The following SPATA17 variants were observed in gnomAD, a reference collection of about 807,000 sequenced individuals.
The protein encoded by SPATA17 is spermatogenesis-associated protein 17.
Under a neutral mutation model 62.2 loss-of-function variants are expected in SPATA17, and 53 were observed. The observed-to-expected ratio is 0.85, with a 90% confidence interval of 0.68 to 1.07. The LOEUF is 1.07. SPATA17 is among the 50% of genes least tolerant of loss of function. The pLI, the probability that SPATA17 is intolerant of heterozygous loss-of-function variation, is 0.00. For missense variants in SPATA17, 466 were observed against 425.5 expected (o/e 1.10, Z -0.84); for synonymous variants, 146 against 146.8 (o/e 0.99, Z 0.04).
chr1:217,783,972 T>C (rs1241510269), intron 8 of SPATA17, among the ~76,000 whole-genome samples: 1 of 152,130 alleles, frequency 6.6e-6, no homozygotes, highest in African/African-American at 2.4e-5. Flanking sequence ...AAAAACCAAG[T>C]TGCAGATGCT....
chr1:217,756,661 A>C (rs12134557), intron 6 of SPATA17, among the ~76,000 whole-genome samples: 73,899 of 152,026 alleles, frequency 0.49, 19,204 homozygotes, highest in Non-Finnish European at 0.59. Context: ...GTTTCTTCAG[A>C]GATCAGGAGG....
intron 8 of SPATA17, among the ~76,000 whole-genome samples, chr1:217,796,224 G>A (rs1674149163): frequency 6.6e-6 from 1 of 152,042 alleles, no homozygotes; most frequent in Admixed American, 6.6e-5. Flanking sequence ...CTATTTAGTT[G>A]CGGCCTTTAA....
rs1553251071 is a variant in SPATA17 at position 217,770,978 on chromosome 1, A to AATTTTTTTTTTTTTTTTTTTTT, written c.520-3356_520-3355insATTTTTTTTTTTTTTTTTTTTT. On this transcript the variant is annotated intron_variant, in intron 6 of 10. Coordinates refer to ENST00000366933, the MANE Select transcript of SPATA17 (RefSeq NM_138796.4). ...ATGTATCTATTATATAACTCATTGC[A>AATTTTTTTTTTTTTTTTTTTTT]TTTTTTTTTTTTTTTTTTTTTTTTT... 1.1e-3 allele frequency among the ~76,000 whole-genome samples: 55 copies of AATTTTTTTTTTTTTTTTTTTTT among 50,164 alleles called. 9 individuals are homozygous for AATTTTTTTTTTTTTTTTTTTTT. The highest frequency in any genetic ancestry group is 2.0e-3 in the South Asian group (2 of 1,000). 32.9% of individuals were successfully genotyped at this position (50,164 alleles called of 152,430 possible).
chr1:217,720,368 G>T (rs1300594158), intron 5 of SPATA17, among the ~76,000 whole-genome samples: 3 of 152,076 alleles, frequency 2.0e-5, no homozygotes, highest in Admixed American at 2.0e-4. Flanking sequence ...TGTTATTATT[G>T]TTTTTCTAAA....
chr1:217,713,678 C>T (rs1355597306), intron 5 of SPATA17, among the ~76,000 whole-genome samples: 1 of 152,090 alleles, frequency 6.6e-6, no homozygotes, highest in African/African-American at 2.4e-5. Context: ...CCTAAGAAAT[C>T]GATGCTTGGA....
chr1:217,759,669 G>A (rs146103842), intron 6 of SPATA17, among the ~76,000 whole-genome samples: 1 of 152,108 alleles, frequency 6.6e-6, no homozygotes, highest in Non-Finnish European at 1.5e-5. Context: ...GAGGGAGATT[G>A]TTTCATATAG....
At chr1:217,801,490 A>T (rs1229929081) in intron 8 of SPATA17, among the ~76,000 whole-genome samples, 1 of 152,234 alleles carries the variant, frequency 6.6e-6, no homozygotes, top group Non-Finnish European at 1.5e-5. Flanking sequence ...ACTCACAAAA[A>T]TTCTGTGAAG....
At chr1:217,846,018 T>A (rs533121151) in intron 9 of SPATA17, among the ~76,000 whole-genome samples, 2 of 152,238 alleles carry the variant, frequency 1.3e-5, no homozygotes, top group South Asian at 4.1e-4. Flanking sequence ...CTAGCCTCTA[T>A]GATAGAAAAG....
chr1:217,704,229 C>CTTTT (rs1671677329), intron 5 of SPATA17, among the ~76,000 whole-genome samples: 1 of 53,246 alleles, frequency 1.9e-5, no homozygotes, highest in Non-Finnish European at 5.2e-5. Context: ...CTTCCCTCTA[C>CTTTT]CTTTTTTTTT....
intron 4 of SPATA17, among the ~76,000 whole-genome samples, chr1:217,675,859 C>T (rs1241799100): frequency 1.3e-5 from 2 of 152,152 alleles, no homozygotes; most frequent in Admixed American, 6.5e-5. Context: ...CTGGCACTCA[C>T]ATTTCTGCCA....
intron 6 of SPATA17, among the ~76,000 whole-genome samples, chr1:217,771,112 G>A (rs1159171106): frequency 6.7e-6 from 1 of 150,148 alleles, no homozygotes; most frequent in Non-Finnish European, 1.5e-5. Context: ...CGGGCCTGAT[G>A]CAAGGAGGTC....
chr1:217,749,421 G>A (rs936312664), intron 6 of SPATA17, among the ~76,000 whole-genome samples: 1 of 151,950 alleles, frequency 6.6e-6, no homozygotes, highest in Non-Finnish European at 1.5e-5. Context: ...GCATTCACAT[G>A]TTCCTTGTGA....
intron 1 of SPATA17, among the ~76,000 whole-genome samples, chr1:217,647,876 C>T (rs1453319558): frequency 1.3e-5 from 2 of 152,050 alleles, no homozygotes; most frequent in South Asian, 2.1e-4. Flanking sequence ...GAGCCCGCCA[C>T]CACGCTTGGC....
chr1:217,643,975 A>G (rs1272721998), intron 1 of SPATA17, among the ~76,000 whole-genome samples: 2 of 152,018 alleles, frequency 1.3e-5, no homozygotes, highest in Non-Finnish European at 2.9e-5. Flanking sequence ...TGATCTGCCC[A>G]CCTCGGCCCC....
chr1:217,859,521 C>T (rs2103015558), intron 9 of SPATA17, among the ~76,000 whole-genome samples: 1 of 152,172 alleles, frequency 6.6e-6, no homozygotes, highest in South Asian at 2.1e-4. Flanking sequence ...AATCCTCCCA[C>T]CTCAGCTTCC....
intron 1 of SPATA17, among the ~76,000 whole-genome samples, chr1:217,646,668 G>A (rs1315028032): frequency 6.6e-6 from 1 of 152,060 alleles, no homozygotes; most frequent in Non-Finnish European, 1.5e-5. Context: ...AGGCCGAGGT[G>A]GGTGGATCAC....
intron 5 of SPATA17, among the ~76,000 whole-genome samples, chr1:217,694,389 T>C (rs1234811759): frequency 6.8e-6 from 1 of 147,800 alleles, no homozygotes; most frequent in Non-Finnish European, 1.5e-5. Flanking sequence ...TGTATGTCTC[T>C]TCACGTGAGA....
intron 5 of SPATA17, among the ~76,000 whole-genome samples, chr1:217,712,439 T>C (rs1351115675): frequency 2.0e-5 from 3 of 152,150 alleles, no homozygotes; most frequent in Non-Finnish European, 4.4e-5. Flanking sequence ...AATATGTTCT[T>C]ATATTATGTC....
intron 4 of SPATA17, among the ~76,000 whole-genome samples, chr1:217,676,179 A>G (rs1670943150): frequency 6.6e-6 from 1 of 152,166 alleles, no homozygotes; most frequent in African/African-American, 2.4e-5. Context: ...ATCTAAAAGA[A>G]TATTCAGGCT....
Sources: gnomAD v4.1 joint callset for allele counts (sites outside exome capture counted in the v4.1 genomes callset) on GRCh38, gnomAD v4.1.1 for gene constraint, MANE v1.5 for transcripts, NCBI Gene and HGNC (gene_info 2026-07-23, HGNC 2026-07-21) for gene names.